SH3D19: variants seen among roughly 807,000 people sequenced by gnomAD.
SH3D19 encodes SH3 domain-containing protein 19.
SH3D19 carries 58 observed loss-of-function variants against 112.1 expected under a neutral mutation model. The ratio of observed to expected loss-of-function variants is 0.52; its 90% confidence interval spans 0.42 to 0.64. SH3D19 has a LOEUF of 0.64. Ranked by LOEUF, SH3D19 falls within the 30% of genes least tolerant of loss-of-function variation. The probability of loss-of-function intolerance (pLI) is 0.00; values close to 1 mark genes in which losing one functional copy is unlikely to be tolerated. For missense variants in SH3D19, 1,090 were observed against 1,263.4 expected, an observed-to-expected ratio of 0.86 and a Z score of 2.08; for synonymous variants, 391 against 448.5, an observed-to-expected ratio of 0.87 and a Z score of 1.62.
intron 2 of SH3D19, among the ~76,000 whole-genome samples, chr4:151,191,434 A>G (rs1762615681): frequency 6.6e-6 from 1 of 152,182 alleles, no homozygotes; most frequent in African/African-American, 2.4e-5. Flanking sequence ...CTTGAATTTT[A>G]ACTTCCACAA....
chr4:151,129,092 G>A (rs982954327), intron 17 of SH3D19, among the ~76,000 whole-genome samples: 1 of 152,146 alleles, frequency 6.6e-6, no homozygotes, highest in Non-Finnish European at 1.5e-5. Context: ...AATTAGGAAG[G>A]ATCAGAATGG....
intron 19 of SH3D19, among the ~76,000 whole-genome samples, chr4:151,122,824 CTA>C (rs925563542): frequency 4.1e-5 from 6 of 147,960 alleles, no homozygotes; most frequent in African/African-American, 1.5e-4. Flanking sequence ...GAGATGAGTA[CTA>C]TGTTATCCTC....
At chr4:151,191,908 G>T (rs1471849587) in intron 2 of SH3D19, among the ~76,000 whole-genome samples, 1 of 148,862 alleles carries the variant, frequency 6.7e-6, no homozygotes, top group Admixed American at 6.7e-5. Flanking sequence ...GCCTCCCAAA[G>T]TGCTGGGATT....
intron 1 of SH3D19, among the ~76,000 whole-genome samples, chr4:151,255,431 C>T (rs552915699): frequency 2.1e-4 from 32 of 151,672 alleles, no homozygotes; most frequent in African/African-American, 6.8e-4. Flanking sequence ...AGAGGATGGG[C>T]GGCCGGGCAG....
chr4:151,297,360 T>G (rs150350703), intron 1 of SH3D19, among the ~76,000 whole-genome samples: 1 of 152,360 alleles, frequency 6.6e-6, no homozygotes, highest in East Asian at 1.9e-4. Context: ...GCACTTTGTG[T>G]GCCATTCTTA....
chr4:151,287,616 G>A (rs1329510310), intron 1 of SH3D19, among the ~76,000 whole-genome samples: 1 of 152,098 alleles, frequency 6.6e-6, no homozygotes, highest in Non-Finnish European at 1.5e-5. Flanking sequence ...GTTCTTTTTA[G>A]GATGTGGTGA....
intron 3 of SH3D19, among the ~76,000 whole-genome samples, chr4:151,186,400 A>G (rs1305868968): frequency 6.6e-6 from 1 of 152,232 alleles, no homozygotes; most frequent in Non-Finnish European, 1.5e-5. Flanking sequence ...TACCTGTAGA[A>G]ACAAATGAAC....
intron 3 of SH3D19, among the ~76,000 whole-genome samples, chr4:151,183,484 G>A (rs754261104): frequency 1.3e-5 from 2 of 152,132 alleles, no homozygotes; most frequent in Non-Finnish European, 2.9e-5. Flanking sequence ...GAGATACAGA[G>A]GGGTTAAATG....
chr4:151,206,143 G>T (rs1765074572), intron 2 of SH3D19, among the ~76,000 whole-genome samples: 1 of 152,078 alleles, frequency 6.6e-6, no homozygotes, highest in Admixed American at 6.5e-5. Flanking sequence ...GAGGAAAGGG[G>T]GCAGAATCTT....
At chr4:151,232,053 G>A (rs1026877123) in intron 1 of SH3D19, among the ~76,000 whole-genome samples, 4 of 152,066 alleles carry the variant, frequency 2.6e-5, no homozygotes, top group Admixed American at 6.5e-5. Flanking sequence ...ACATGGTGGC[G>A]CACACCTGTA....
chr4:151,203,602 T>A (rs1341297723), intron 2 of SH3D19, among the ~76,000 whole-genome samples: 2 of 152,204 alleles, frequency 1.3e-5, no homozygotes, highest in Non-Finnish European at 2.9e-5. Context: ...TCATTTGTGC[T>A]CTAGATAAAA....
At chr4:151,176,004 G>A (rs1759904713) in intron 6 of SH3D19, among the ~76,000 whole-genome samples, 1 of 151,986 alleles carries the variant, frequency 6.6e-6, no homozygotes, top group Admixed American at 6.6e-5. Flanking sequence ...CTGAGTAGCT[G>A]GGACTACAGA....
intron 2 of SH3D19, among the ~76,000 whole-genome samples, chr4:151,200,935 G>A (rs1044048584): frequency 3.3e-5 from 5 of 152,192 alleles, no homozygotes; most frequent in Non-Finnish European, 5.9e-5. Flanking sequence ...CGCTCAGAGA[G>A]CGAGTTGCTC....
intron 1 of SH3D19, among the ~76,000 whole-genome samples, chr4:151,251,859 C>A (rs1373709006): frequency 1.3e-5 from 2 of 152,186 alleles, no homozygotes; most frequent in Non-Finnish European, 2.9e-5. Flanking sequence ...TTAGTTCATT[C>A]ATCTCCCTCA....
At chr4:151,252,451 T>C (rs1464694828) in intron 1 of SH3D19, among the ~76,000 whole-genome samples, 1 of 152,196 alleles carries the variant, frequency 6.6e-6, no homozygotes, top group Non-Finnish European at 1.5e-5. Flanking sequence ...TCCAGGATAC[T>C]ACTCTCAGTT....
intron 1 of SH3D19, among the ~76,000 whole-genome samples, chr4:151,299,368 G>A (rs1728107082): frequency 6.6e-6 from 1 of 152,034 alleles, no homozygotes; most frequent in African/African-American, 2.4e-5. Flanking sequence ...ATCACCTGAG[G>A]TCAGGAGTTC....
chr4:151,207,525 A>G (rs574405778), intron 2 of SH3D19, among the ~76,000 whole-genome samples: 2 of 152,336 alleles, frequency 1.3e-5, no homozygotes, highest in African/African-American at 4.8e-5. Flanking sequence ...AATTAGCACT[A>G]GTGAAAAGAG....
Position 151,286,184 on chromosome 4 carries a change from G to GAAAAAAAA in SH3D19, c.112+39049_112+39056dup, listed in dbSNP as rs56850648. Among the ~76,000 whole-genome samples the GAAAAAAAA allele has an allele frequency of 4.3e-3, 373 of 86,554 alleles. 1 individual carries two copies. The highest frequency in any genetic ancestry group is 0.014 in the Middle Eastern group (1 of 70). The allele number at this position is 86,554 out of a possible 152,430, so 56.8% of individuals were successfully genotyped here. A position where few individuals can be genotyped will look rare whatever the true frequency, so the allele number is the denominator to read the frequency against. On this transcript the variant is annotated intron_variant, in intron 1 of 19. Transcript: ENST00000604030. ...TGACACAGTGAGACCCTGTCTTAAA[G>GAAAAAAAA]AAAAAAAAAAAAAAAAAAAACAACT...
At chr4:151,293,314 CA>C (rs796490021) in intron 1 of SH3D19, among the ~76,000 whole-genome samples, 12 of 145,190 alleles carry the variant, frequency 8.3e-5, no homozygotes, top group African/African-American at 2.8e-4. Context: ...ACTAAAAATA[CA>C]AAAAAAAATT....
Sources: allele counts gnomAD v4.1 joint callset (sites outside exome capture counted in the v4.1 genomes callset), GRCh38; gene constraint gnomAD v4.1.1; transcripts MANE v1.5; gene names NCBI Gene and HGNC (gene_info 2026-07-23, HGNC 2026-07-21).